Variants in STARD13 observed in about 807,000 individuals in gnomAD.
STARD13 encodes stAR-related lipid transfer protein 13.
A neutral mutation model predicts 106.4 loss-of-function variants in STARD13; 62 were observed. The observed-to-expected ratio is 0.58, with a 90% confidence interval of 0.48 to 0.72. STARD13 has a LOEUF of 0.72. STARD13 is among the 30% of genes least tolerant of loss of function. STARD13 has a pLI of 0.00. For synonymous variants in STARD13, 565 were observed against 553.0 expected, an observed-to-expected ratio of 1.02 and a Z score of -0.31; for missense variants, 1,387 against 1,424.0, an observed-to-expected ratio of 0.97 and a Z score of 0.42.
At chr13:33,228,530 C>T (rs1888738321) in intron 1 of STARD13, among the ~76,000 whole-genome samples, 2 of 152,038 alleles carry the variant, frequency 1.3e-5, no homozygotes, top group Admixed American at 1.3e-4. Flanking sequence ...CAGAGGACAA[C>T]AGGCGACAGT....
At chr13:33,462,371 T>C in the STARD13 span, among the ~76,000 whole-genome samples, 1 of 152,244 alleles carries the variant, frequency 6.6e-6, no homozygotes, top group Non-Finnish European at 1.5e-5. Flanking sequence ...TTAGTCTGCA[T>C]GCTGCTTTTA....
chr13:33,305,818 C>T (rs1369584627), intron 1 of STARD13, among the ~76,000 whole-genome samples: 1 of 152,166 alleles, frequency 6.6e-6, no homozygotes, highest in Non-Finnish European at 1.5e-5. Flanking sequence ...CTGTGCTTAT[C>T]TTATACCCAT....
At chr13:33,615,451 T>C in the STARD13 span, among the ~76,000 whole-genome samples, 1 of 152,252 alleles carries the variant, frequency 6.6e-6, no homozygotes, top group Non-Finnish European at 1.5e-5. Flanking sequence ...ACTATGTGCT[T>C]GGCACCACTG....
At chr13:33,241,827 C>T (rs1889525685) in intron 1 of STARD13, among the ~76,000 whole-genome samples, 1 of 152,180 alleles carries the variant, frequency 6.6e-6, no homozygotes, top group Admixed American at 6.5e-5. Context: ...CAGACGGAGT[C>T]GCGCTCACTC....
At chr13:33,675,894 C>T in the STARD13 span, among the ~76,000 whole-genome samples, 2 of 152,090 alleles carry the variant, frequency 1.3e-5, no homozygotes, top group African/African-American at 2.4e-5. Flanking sequence ...CTAAAAGCAT[C>T]GAGTATTCTA....
intron 3 of STARD13, among the ~76,000 whole-genome samples, chr13:33,162,208 C>A (rs1319668852): frequency 6.6e-6 from 1 of 152,232 alleles, no homozygotes; most frequent in Admixed American, 6.5e-5. Context: ...TCATATGAGA[C>A]AAGGCAAGCC....
At chr13:33,371,939 G>A in the STARD13 span, among the ~76,000 whole-genome samples, 1 of 152,108 alleles carries the variant, frequency 6.6e-6, no homozygotes, top group East Asian at 1.9e-4. Context: ...AGAATTGATT[G>A]CATCTCAGAA....
At chr13:33,112,199 C>T (rs1223889337) in intron 9 of STARD13, among the ~76,000 whole-genome samples, 1 of 152,142 alleles carries the variant, frequency 6.6e-6, no homozygotes, top group Non-Finnish European at 1.5e-5. Flanking sequence ...TAAATATAGC[C>T]TTTTAAAAAT....
the STARD13 span, among the ~76,000 whole-genome samples, chr13:33,650,433 G>T: frequency 6.6e-6 from 1 of 151,288 alleles, no homozygotes; most frequent in African/African-American, 2.4e-5. Context: ...CTCGTGATCC[G>T]CCCGCCTCGG....
downstream of STARD13, among the ~76,000 whole-genome samples, chr13:33,344,028 G>A (rs2077992395): frequency 6.6e-6 from 1 of 152,028 alleles, no homozygotes; most frequent in African/African-American, 2.4e-5. Context: ...ATATAACCCT[G>A]TATTCGCCCC....
intron 1 of STARD13, among the ~76,000 whole-genome samples, chr13:33,243,940 T>A (rs1426264052): frequency 6.6e-6 from 1 of 152,022 alleles, no homozygotes; most frequent in African/African-American, 2.4e-5. Flanking sequence ...ACTTGGGCAC[T>A]TATTTGGATG....
At chr13:33,423,674 G>A in the STARD13 span, among the ~76,000 whole-genome samples, 1 of 152,214 alleles carries the variant, frequency 6.6e-6, no homozygotes, top group Admixed American at 6.5e-5. Flanking sequence ...AGTCACAATA[G>A]CAAAGACTTG....
At chr13:33,634,263 G>A in the STARD13 span, among the ~76,000 whole-genome samples, 1 of 152,148 alleles carries the variant, frequency 6.6e-6, no homozygotes, top group African/African-American at 2.4e-5. Flanking sequence ...AGACATGTCA[G>A]AACTCCTTTA....
chr13:33,389,323 G>A, the STARD13 span, among the ~76,000 whole-genome samples: 18 of 152,072 alleles, frequency 1.2e-4, no homozygotes, highest in Non-Finnish European at 1.5e-4. Context: ...TGGTATGTAA[G>A]GAAGAATGAA....
chr13:33,184,019 G>A (rs1040068780), intron 1 of STARD13, among the ~76,000 whole-genome samples: 3 of 152,190 alleles, frequency 2.0e-5, no homozygotes, highest in African/African-American at 7.2e-5. Context: ...AATATATGAT[G>A]TAATGGGATG....
At chr13:33,124,305 A>G (rs1033058492) in intron 7 of STARD13, among the ~76,000 whole-genome samples, 11 of 152,224 alleles carry the variant, frequency 7.2e-5, no homozygotes, top group Admixed American at 2.0e-4. Context: ...GACTGGGTGC[A>G]TTATAAGGTG....
chr13:33,674,711 T>A, the STARD13 span, among the ~76,000 whole-genome samples: 3 of 152,028 alleles, frequency 2.0e-5, 1 homozygote, highest in Admixed American at 2.0e-4. Context: ...GTGTCATCTT[T>A]AGTAAAAGAA....
the STARD13 span, among the ~76,000 whole-genome samples, chr13:33,629,562 T>A: frequency 2.6e-5 from 4 of 152,220 alleles, no homozygotes; most frequent in Non-Finnish European, 5.9e-5. Flanking sequence ...TAGAAACTAA[T>A]ATGCATGTGT....
the STARD13 span, among the ~76,000 whole-genome samples, chr13:33,379,000 C>T: frequency 6.6e-6 from 1 of 151,818 alleles, no homozygotes; most frequent in East Asian, 1.9e-4. Context: ...GTCCCAGCTA[C>T]CAGGGAGGCT....
Sources: allele counts gnomAD v4.1 joint callset (sites outside exome capture counted in the v4.1 genomes callset), GRCh38; gene constraint gnomAD v4.1.1; transcripts MANE v1.5; gene names NCBI Gene and HGNC (gene_info 2026-07-23, HGNC 2026-07-21).